CDH13: variants seen among roughly 807,000 people sequenced by gnomAD.
CDH13 encodes cadherin 13.
In CDH13, 24 loss-of-function variants were observed where a neutral mutation model predicts 63.8. The ratio of observed to expected loss-of-function variants is 0.38; its 90% CI spans 0.27 to 0.53. CDH13 has a LOEUF of 0.53. Among genes scored for constraint, CDH13 ranks in the 20% least tolerant of loss-of-function variants. CDH13 has a pLI of 0.85. For synonymous variants in CDH13, 503 were observed against 355.3 expected, an observed-to-expected ratio of 1.42 and a Z score of -4.67; for missense variants, 1,049 against 903.1, an observed-to-expected ratio of 1.16 and a Z score of -2.07.
chr16:83,221,330 C>T (rs1244000341), intron 5 of CDH13, among the ~76,000 whole-genome samples: 1 of 152,144 alleles, frequency 6.6e-6, no homozygotes, highest in Non-Finnish European at 1.5e-5. Context: ...CCCAGAAAAA[C>T]TTCCCCAGCT....
At chr16:83,750,244 C>T (rs145584319) in intron 11 of CDH13, among the ~76,000 whole-genome samples, 4 of 151,968 alleles carry the variant, frequency 2.6e-5, no homozygotes, top group African/African-American at 7.2e-5. Context: ...TGCAGTGAGC[C>T]GAGATTATGC....
intron 3 of CDH13, among the ~76,000 whole-genome samples, chr16:83,052,725 C>T (rs1190445714): frequency 1.6e-5 from 2 of 128,806 alleles, no homozygotes; most frequent in Admixed American, 9.8e-5. Context: ...TGCAGTGAGC[C>T]AAGATCGCAC....
At chr16:83,394,463 G>A (rs140672975) in intron 6 of CDH13, among the ~76,000 whole-genome samples, 134 of 152,300 alleles carry the variant, frequency 8.8e-4, no homozygotes, top group African/African-American at 2.9e-3. Flanking sequence ...AGGCACACGT[G>A]TGGTGTACTG....
At chr16:82,724,826 A>C (rs1282069489) in intron 1 of CDH13, among the ~76,000 whole-genome samples, 1 of 152,172 alleles carries the variant, frequency 6.6e-6, no homozygotes, top group Non-Finnish European at 1.5e-5. Flanking sequence ...GGATGATTGA[A>C]TCTAGAGTCA....
At chr16:83,176,940 AC>A (rs2038151864) in intron 4 of CDH13, among the ~76,000 whole-genome samples, 2 of 152,040 alleles carry the variant, frequency 1.3e-5, no homozygotes, top group South Asian at 4.2e-4. Context: ...GGAGAATGTC[AC>A]CCTAGGAATG....
At chr16:83,329,886 T>C (rs2090445386) in intron 5 of CDH13, among the ~76,000 whole-genome samples, 1 of 152,372 alleles carries the variant, frequency 6.6e-6, no homozygotes, top group East Asian at 1.9e-4. Flanking sequence ...ATAGTGTTTG[T>C]ATTGAATGAA....
intron 4 of CDH13, among the ~76,000 whole-genome samples, chr16:83,207,917 AGAAG>A (rs1237835093): frequency 6.6e-6 from 1 of 152,214 alleles, no homozygotes; most frequent in Non-Finnish European, 1.5e-5. Context: ...CTGCTATATA[AGAAG>A]GAAACCAGAC....
intron 2 of CDH13, among the ~76,000 whole-genome samples, chr16:82,958,743 A>G (rs1176613955): frequency 6.6e-6 from 1 of 152,252 alleles, no homozygotes; most frequent in Non-Finnish European, 1.5e-5. Context: ...CATTGTCTTC[A>G]GGGACCAGTA....
At chr16:82,990,547 G>GTTTTT (rs369121464) in intron 2 of CDH13, among the ~76,000 whole-genome samples, 15 of 139,886 alleles carry the variant, frequency 1.1e-4, no homozygotes, top group African/African-American at 2.9e-4. Context: ...TTTGGTTTGG[G>GTTTTT]TTTTTTTTTT....
chr16:83,663,972 C>T (rs1380191245), intron 8 of CDH13, among the ~76,000 whole-genome samples: 1 of 144,456 alleles, frequency 6.9e-6, no homozygotes, highest in African/African-American at 2.6e-5. Context: ...CCAGCCTGGG[C>T]AACTTAGTAG....
rs1904286902 is a variant in CDH13, at chr16:83,797,336, C to G, written c.*2306C>G. The G allele has an allele frequency of 6.6e-6, 1 of 152,230 alleles. No individual in the cohort carries two copies. The highest frequency in any genetic ancestry group is 2.1e-4 in the South Asian group (1 of 4,832). 9.4% of individuals were successfully genotyped at this position (152,230 alleles called of 1,614,324 possible). Reference sequence around the variant, plus strand: ...ACTCCTTTTCTCTCAAGCTGGTAGGCTCTCCTGCACTTTGTGAACCGAACC... The same window carrying G: ...ACTCCTTTTCTCTCAAGCTGGTAGGGTCTCCTGCACTTTGTGAACCGAACC... On this transcript the variant is annotated 3_prime_UTR_variant, in exon 14 of 14. Coordinates refer to ENST00000567109, the MANE Select transcript of CDH13 (RefSeq NM_001257.5).
chr16:82,819,571 T>A (rs1299843957), intron 1 of CDH13, among the ~76,000 whole-genome samples: 1 of 152,084 alleles, frequency 6.6e-6, no homozygotes, highest in Non-Finnish European at 1.5e-5. Flanking sequence ...AGCCACACTG[T>A]GTTTCAGGGA....
At chr16:83,198,478 T>A (rs2038938627) in intron 4 of CDH13, among the ~76,000 whole-genome samples, 1 of 152,160 alleles carries the variant, frequency 6.6e-6, no homozygotes. Context: ...ACTGTAAAGT[T>A]GGATGTCTTG....
At chr16:83,034,232 A>G (rs568515127) in intron 3 of CDH13, among the ~76,000 whole-genome samples, 13 of 152,272 alleles carry the variant, frequency 8.5e-5, no homozygotes, top group African/African-American at 2.6e-4. Flanking sequence ...TCTCACTGCA[A>G]TGCTTCTGGA....
chr16:83,585,985 A>G (rs915821878), intron 7 of CDH13, among the ~76,000 whole-genome samples: 3 of 152,228 alleles, frequency 2.0e-5, no homozygotes, highest in African/African-American at 7.2e-5. Context: ...AGAATCCTCA[A>G]CTGCACAATG....
chr16:83,081,356 C>A (rs374182660), intron 3 of CDH13, among the ~76,000 whole-genome samples: 70 of 152,240 alleles, frequency 4.6e-4, no homozygotes, highest in African/African-American at 1.6e-3. Flanking sequence ...TGAAGACGGG[C>A]ATTGAACACA....
In CDH13 at chr16:82,900,539, G is replaced by T. The variant is rs549052617; in HGVS notation, c.157+42066G>T. Among the ~76,000 whole-genome samples, 11 of 152,266 alleles carry T rather than the reference G, an allele frequency of 7.2e-5. No individual in the cohort carries two copies. In the South Asian group the frequency reaches 2.1e-3, roughly 29 times the overall value. On this transcript the variant is annotated intron_variant, in intron 2 of 13. Transcript: ENST00000567109. Reference sequence around the variant, plus strand: ...TCAGAGGTGGGTAGAATTGAGAAAAGGATTTCTATTTTGTTATTTTCCCCG... The same window carrying T: ...TCAGAGGTGGGTAGAATTGAGAAAATGATTTCTATTTTGTTATTTTCCCCG...
At chr16:82,881,871 C>T (rs928850774) in intron 2 of CDH13, among the ~76,000 whole-genome samples, 6 of 152,092 alleles carry the variant, frequency 3.9e-5, no homozygotes, top group Non-Finnish European at 8.8e-5. Context: ...GAGCTCACCC[C>T]TTTTTGAGGC....
At chr16:82,715,762 G>A (rs945888914) in intron 1 of CDH13, among the ~76,000 whole-genome samples, 3 of 152,152 alleles carry the variant, frequency 2.0e-5, no homozygotes, top group African/African-American at 4.8e-5. Flanking sequence ...GCAGCACGAA[G>A]CAGCGATGAT....
Sources: allele counts gnomAD v4.1 joint callset (sites outside exome capture counted in the v4.1 genomes callset), GRCh38; gene constraint gnomAD v4.1.1; transcripts MANE v1.5; gene names NCBI Gene and HGNC (gene_info 2026-07-23, HGNC 2026-07-21).